Variants in LAMB1 observed in about 807,000 individuals in gnomAD.
The protein encoded by LAMB1 is laminin subunit beta-1.
In LAMB1, 121 loss-of-function variants were observed where a neutral mutation model predicts 222.3. That is an observed-to-expected ratio of 0.54 (90% confidence interval 0.47 to 0.63). LAMB1 has a LOEUF of 0.63. Ranked by LOEUF, LAMB1 falls within the 30% of genes least tolerant of loss-of-function variation. LAMB1 has a pLI of 0.00. For missense variants in LAMB1, 2,172 were observed against 2,240.8 expected, an observed-to-expected ratio of 0.97 and a Z score of 0.62; for synonymous variants, 794 against 807.2, an observed-to-expected ratio of 0.98 and a Z score of 0.28.
intron 20 of LAMB1, among the ~76,000 whole-genome samples, chr7:107,957,074 CTAGT>C (rs1390281406): frequency 6.6e-6 from 1 of 152,140 alleles, no homozygotes; most frequent in African/African-American, 2.4e-5. Context: ...CTCATCCAAC[CTAGT>C]TATTCTACTT....
intron 5 of LAMB1, 126 bp from the exon 6 acceptor site, chr7:107,986,489 G>T: frequency 1.4e-6 from 1 of 710,472 alleles, no homozygotes. Context: ...TTGTATTTCA[G>T]ACTGTGGCTG....
At chr7:108,002,006 C>A in intron 2 of LAMB1, 1 of 1,442,402 alleles carries the variant, frequency 6.9e-7, no homozygotes, top group Non-Finnish European at 9.1e-7. Context: ...CACCGACGCT[C>A]GCGCCCACCC....
intron 24 of LAMB1, among the ~76,000 whole-genome samples, chr7:107,947,977 C>A: frequency 8.5e-6 from 1 of 118,272 alleles, no homozygotes. Flanking sequence ...TTTATATCTT[C>A]TTCTTCTTTT....
chr7:107,937,432 A>G (rs2116344268), intron 25 of LAMB1, among the ~76,000 whole-genome samples, 155 bp from the exon 26 acceptor site: 2 of 152,324 alleles, frequency 1.3e-5, no homozygotes, highest in South Asian at 4.1e-4. Context: ...TATTTTCCTT[A>G]TAACAGATAG....
rs140459621 is a variant in LAMB1 at position 107,975,710 on chromosome 7, G to A, written c.1168C>T (p.Arg390Ter). The change falls in exon 10 of 34, where the codon CGA (arginine) becomes TGA (stop). Residue 390 changes from arginine to a stop codon, truncating the protein, a stop_gained. Coordinates refer to ENST00000222399, the MANE Select transcript of LAMB1 (RefSeq NM_002291.3). LOFTEE classifies it high-confidence loss of function. ...ATACGTTCACAGAAATTAGGATCTCGGATGTCCCTCTCTGGGTGCTGGTAG... is the reference window on the plus strand; with the variant it reads ...ATACGTTCACAGAAATTAGGATCTCAGATGTCCCTCTCTGGGTGCTGGTAG... ...FYYQHPERDI[R>*]DPNFCERCTC... 20 of 1,612,222 alleles carry A rather than the reference G, an allele frequency of 1.2e-5. No homozygotes were observed. The highest frequency in any genetic ancestry group is 1.5e-5 in the Non-Finnish European group (18 of 1,179,072).
chr7:107,947,808 T>C (rs1280714084), intron 24 of LAMB1, among the ~76,000 whole-genome samples: 1 of 152,142 alleles, frequency 6.6e-6, no homozygotes, highest in Non-Finnish European at 1.5e-5. Context: ...TATTGGCTCC[T>C]GCATACCAAG....
At chr7:108,002,369 C>T in intron 2 of LAMB1, 1 of 1,316,836 alleles carries the variant, frequency 7.6e-7, no homozygotes, top group South Asian at 1.2e-5. Flanking sequence ...CAGGGAAGCG[C>T]CAGGTCCTGC....
At chr7:107,947,983 C>CTTTTTTTTTTTT (rs10630521) in intron 24 of LAMB1, among the ~76,000 whole-genome samples, 2 of 117,256 alleles carry the variant, frequency 1.7e-5, no homozygotes, top group African/African-American at 3.3e-5. Flanking sequence ...TCTTCTTCTT[C>CTTTTTTTTTTTT]TTTTTTTTTT....
Position 107,964,571 on chromosome 7 carries a change from T to G in LAMB1, c.1679A>C (p.Glu560Ala). 6.2e-7 allele frequency: 1 copy of G among 1,614,172 alleles called. No homozygotes were observed. The highest frequency in any genetic ancestry group is 8.5e-7 in the Non-Finnish European group (1 of 1,180,014). ...ATLDHYLYEAEEANLGPGVSI... is the reference protein window; with the variant it reads ...ATLDHYLYEAAEANLGPGVSI... The stretch of plus-strand genomic sequence containing the variant: ...ACTCACAGGCCCCAAGTTGGCTTCC[T>G]CCGCTTCATAGAGGTAGTGATCCAG... Residue 560 changes from glutamate to alanine, a missense_variant, in exon 14 of 34, where the codon GAG becomes GCG. Transcript: ENST00000222399.
chr7:107,958,833 T>C (rs1379711505), intron 20 of LAMB1, among the ~76,000 whole-genome samples: 1 of 152,206 alleles, frequency 6.6e-6, no homozygotes, highest in Non-Finnish European at 1.5e-5. Flanking sequence ...TGTAGTTGCA[T>C]AAAACGTTCT....
chr7:107,961,333 C>T lies in LAMB1; in HGVS notation c.1986-4G>A, dbSNP rs774459491. On this transcript the variant is annotated splice_region_variant and splice_polypyrimidine_tract_variant and intron_variant, in intron 16 of 33. Transcript: ENST00000222399. ...CGGCCGAGGAAGGACGACATATCTG[C>T]CCCCAAACAAAAAAGAAAGACAACA... is the stretch of plus-strand genomic sequence containing the variant. 57 of 1,608,296 alleles carry T rather than the reference C, an allele frequency of 3.5e-5. No individual in the cohort carries two copies. In the African/African-American group the frequency reaches 6.6e-4, roughly 19 times the overall value.
intron 25 of LAMB1, 29 bp from the exon 26 acceptor site, chr7:107,937,306 A>G (rs780917685): frequency 6.3e-7 from 1 of 1,584,174 alleles, no homozygotes; most frequent in Non-Finnish European, 8.6e-7. Context: ...GCTTACTTAC[A>G]TAAAATAAAC....
At chr7:107,989,721 C>T (rs890449015) in intron 5 of LAMB1, among the ~76,000 whole-genome samples, 102 of 152,248 alleles carry the variant, frequency 6.7e-4, no homozygotes, top group African/African-American at 2.3e-3. Context: ...GGCTGGGAGG[C>T]TTGGGGAGAG....
intron 21 of LAMB1, among the ~76,000 whole-genome samples, chr7:107,955,176 CTTAAG>C (rs1445583551): frequency 6.6e-6 from 1 of 152,128 alleles, no homozygotes; most frequent in Non-Finnish European, 1.5e-5. Context: ...AGGAGTAAAA[CTTAAG>C]TTAATCTTTC....
chr7:107,984,064 A>C (rs1370823448), intron 7 of LAMB1, among the ~76,000 whole-genome samples: 1 of 152,074 alleles, frequency 6.6e-6, no homozygotes, highest in Non-Finnish European at 1.5e-5. Flanking sequence ...AATGGCAGAG[A>C]CTTCTGATTT....
chr7:107,993,882 G>C (rs1322451267), intron 5 of LAMB1, among the ~76,000 whole-genome samples: 1 of 152,190 alleles, frequency 6.6e-6, no homozygotes, highest in African/African-American at 2.4e-5. Flanking sequence ...ACAGCAGGCT[G>C]CTGGGGAGTG....
Position 107,940,108 on chromosome 7 carries a change from C to T in LAMB1, c.3642G>A (p.Gly1214=). The T allele has an allele frequency of 6.2e-7, 1 of 1,614,160 alleles. No homozygotes were observed. Among genetic ancestry groups the T allele is most frequent in the Non-Finnish European group, 8.5e-7 (1 of 1,180,026 alleles). The change falls in exon 25 of 34, where the codon GGG becomes GGA. Residue 1214 remains glycine, a synonymous_variant. Transcript: ENST00000222399. ...AKALKISGVI[G]PYRETVDSVE... The stretch of plus-strand genomic sequence containing the variant: ...CCGAGTCCACAGTCTCACGGTAAGG[C>T]CCGATCACACCACTGATCTTCAAGG...
At chr7:107,986,705 C>T (rs1425116653) in intron 5 of LAMB1, among the ~76,000 whole-genome samples, 3 of 152,180 alleles carry the variant, frequency 2.0e-5, no homozygotes, top group African/African-American at 2.4e-5. Context: ...TTTGAGTGCT[C>T]GTTCCTTCAT....
chr7:107,999,607 G>T (rs2034344964), intron 3 of LAMB1, among the ~76,000 whole-genome samples: 1 of 152,114 alleles, frequency 6.6e-6, no homozygotes, highest in African/African-American at 2.4e-5. Flanking sequence ...GGATGCATTA[G>T]GAGCCTGGAT....
Sources: gnomAD v4.1 joint callset for allele counts (sites outside exome capture counted in the v4.1 genomes callset) on GRCh38, gnomAD v4.1.1 for gene constraint, MANE v1.5 for transcripts, NCBI Gene and HGNC (gene_info 2026-07-23, HGNC 2026-07-21) for gene names.